The following NCOA6 variants were observed in gnomAD, a reference collection of about 807,000 sequenced individuals.
The protein encoded by NCOA6 is NRC RAP250.
NCOA6 carries 49 observed loss-of-function variants against 171.4 expected under a neutral mutation model. The ratio of observed to expected loss-of-function variants is 0.29; its 90% CI spans 0.23 to 0.36. The LOEUF is 0.36. NCOA6 is among the 10% of genes least tolerant of loss of function. The pLI, the probability that NCOA6 is intolerant of heterozygous loss-of-function variation, is 1.00. For synonymous variants in NCOA6, 910 were observed against 927.5 expected (o/e 0.98, Z 0.34); for missense variants, 2,248 against 2,554.5 (o/e 0.88, Z 2.59).
At chr20:34,824,803 C>T (rs2079102679) in intron 1 of NCOA6, among the ~76,000 whole-genome samples, 1 of 152,150 alleles carries the variant, frequency 6.6e-6, no homozygotes, top group Non-Finnish European at 1.5e-5. Context: ...AGTTATACAG[C>T]TTTGCAATTC....
At chr20:34,751,265 G>C (rs1410079865) in intron 8 of NCOA6, among the ~76,000 whole-genome samples, 1 of 148,692 alleles carries the variant, frequency 6.7e-6, no homozygotes, top group Non-Finnish European at 1.5e-5. Flanking sequence ...AGCTACTCGG[G>C]AGGCTGAGGC....
Position 34,746,935 on chromosome 20 carries a change from A to T in NCOA6, c.2793-7T>A. On this transcript the variant is annotated splice_region_variant and splice_polypyrimidine_tract_variant and intron_variant, in intron 9 of 14. Transcript: ENST00000359003. ...TGGGCGAGTATCTGGGGTGCTAAAA[A>T]AAAAAAAAAAAAAAAAAGTGACATA... 7.6e-7 allele frequency: 1 copy of T among 1,312,388 alleles called. No homozygotes were observed. The allele number at this position is 1,312,388 out of a possible 1,614,324, so 81.3% of individuals were successfully genotyped here. A position where few individuals can be genotyped will look rare whatever the true frequency, so the allele number is the denominator to read the frequency against.
chr20:34,769,790 TAAA>T (rs1160812926), intron 4 of NCOA6, among the ~76,000 whole-genome samples: 1 of 152,082 alleles, frequency 6.6e-6, no homozygotes, highest in African/African-American at 2.4e-5. Context: ...GGTCCAATGA[TAAA>T]AACGTCTCTG....
In NCOA6 at chr20:34,742,796, C is replaced by T. The variant is rs1442800791; in HGVS notation, c.3460G>A (p.Val1154Ile). The change falls in exon 11 of 15, where the codon GTA (valine) becomes ATA (isoleucine). Residue 1154 changes from valine to isoleucine, a missense_variant. Transcript: ENST00000359003. ...PGGPNNMPSH[V>I]VLPQNQLMMT... ...ATTAACTGATTCTGGGGAAGTACTA[C>T]ATGTGAAGGCATGTTGTTTGGGCCT... 8 of 1,614,174 alleles carry T rather than the reference C, an allele frequency of 5.0e-6. No homozygotes were observed. The highest frequency in any genetic ancestry group is 2.2e-5 in the East Asian group (1 of 44,874).
At chr20:34,737,584 C>G (rs2075995847) in intron 11 of NCOA6, among the ~76,000 whole-genome samples, 1 of 152,192 alleles carries the variant, frequency 6.6e-6, no homozygotes, top group South Asian at 2.1e-4. Context: ...TCAAAGGACA[C>G]AGAGAACTTA....
intron 5 of NCOA6, among the ~76,000 whole-genome samples, chr20:34,766,968 A>G (rs1347070396): frequency 6.6e-6 from 1 of 152,118 alleles, no homozygotes; most frequent in Non-Finnish European, 1.5e-5. Flanking sequence ...TTCTGTGGGG[A>G]ACTACATCTA....
chr20:34,803,480 A>AAAAAAAAC (rs1408510782), intron 1 of NCOA6, among the ~76,000 whole-genome samples: 1 of 151,974 alleles, frequency 6.6e-6, no homozygotes, highest in Non-Finnish European at 1.5e-5. Context: ...AAAAAAAGAA[A>AAAAAAAAC]AAAAAAACAA....
chr20:34,718,820 G>A (rs1988929978), intron 14 of NCOA6, among the ~76,000 whole-genome samples: 1 of 151,978 alleles, frequency 6.6e-6, no homozygotes, highest in East Asian at 1.9e-4. Flanking sequence ...ATTACTTTAA[G>A]GTAAGAAATT....
intron 1 of NCOA6, among the ~76,000 whole-genome samples, chr20:34,808,481 C>A (rs2078537905): frequency 7.1e-6 from 1 of 140,450 alleles, no homozygotes; most frequent in South Asian, 2.2e-4. Context: ...TCTTGTTGCT[C>A]AGGCTGGAGT....
chr20:34,759,475 G>A (rs1335287262), intron 5 of NCOA6, among the ~76,000 whole-genome samples: 3 of 152,090 alleles, frequency 2.0e-5, no homozygotes, highest in African/African-American at 7.2e-5. Context: ...TGCAATTGTG[G>A]TTAACAGTTC....
chr20:34,821,546 C>T (rs1260641101), intron 1 of NCOA6: 2 of 151,946 alleles, frequency 1.3e-5, no homozygotes, highest in East Asian at 1.9e-4. Context: ...AAAACCTTTT[C>T]GCCCTTATTA....
intron 5 of NCOA6, 122 bp from the exon 6 acceptor site, chr20:34,759,055 C>T (rs2076738937): frequency 1.9e-6 from 2 of 1,053,800 alleles, no homozygotes; most frequent in African/African-American, 1.6e-5. Context: ...CAGGGTCTCG[C>T]TCTGTTGCCC....
chr20:34,778,574 C>T (rs1173601650), intron 3 of NCOA6, among the ~76,000 whole-genome samples: 1 of 151,642 alleles, frequency 6.6e-6, no homozygotes. Flanking sequence ...ACTATAGACA[C>T]CTGCCACCAT....
At chr20:34,773,537 C>T (rs2077216063) in intron 4 of NCOA6, among the ~76,000 whole-genome samples, 1 of 101,770 alleles carries the variant, frequency 9.8e-6, no homozygotes, top group Non-Finnish European at 2.0e-5. Flanking sequence ...TCACCGCAAC[C>T]TCCACCCAGG....
chr20:34,730,710 G>A (rs1159343262), intron 13 of NCOA6, among the ~76,000 whole-genome samples: 1 of 110,314 alleles, frequency 9.1e-6, no homozygotes, highest in African/African-American at 3.4e-5. Flanking sequence ...CTATGTTCTA[G>A]ACTTTTTTTT....
rs544721753 is a variant in NCOA6 at position 34,742,679 on chromosome 20, G to T, written c.3577C>A (p.His1193Asn). 3.0e-5 allele frequency: 49 copies of T among 1,614,190 alleles called. 1 individual carries two copies. The South Asian group carries it at 5.2e-4, about 17-fold the overall frequency. Residue 1193 changes from histidine (H) to asparagine (N), a missense_variant, in exon 11 of 15, where the codon CAC becomes AAC. Physicochemically the swap from His to Asn is moderately conservative, Grantham distance 68. Transcript: ENST00000359003. The stretch of plus-strand genomic sequence containing the variant: ...GCCACATTTGGGAAGTGGTGGCCGT[G>T]AGAGCTGGGCAGGGAATTTACAGGG... ...QPPVNSLPSSHGHHFPNVAAP... is the reference protein window; with the variant it reads ...QPPVNSLPSSNGHHFPNVAAP...
At chr20:34,767,034 C>A (rs1387265057) in intron 5 of NCOA6, among the ~76,000 whole-genome samples, 2 of 152,130 alleles carry the variant, frequency 1.3e-5, no homozygotes, top group Admixed American at 6.5e-5. Context: ...TCCACAACAG[C>A]CCAACAGCAC....
chr20:34,806,190 C>T (rs189908451), intron 1 of NCOA6, among the ~76,000 whole-genome samples: 1 of 152,288 alleles, frequency 6.6e-6, no homozygotes, highest in South Asian at 2.1e-4. Context: ...TTTTCATATA[C>T]TTGCTGACAA....
intron 14 of NCOA6, among the ~76,000 whole-genome samples, chr20:34,726,526 T>C (rs1377494404): frequency 6.6e-6 from 1 of 152,094 alleles, no homozygotes; most frequent in Non-Finnish European, 1.5e-5. Flanking sequence ...TGGCTCAGCC[T>C]GTAATCCCAG....
Sources: gnomAD v4.1 joint callset for allele counts (sites outside exome capture counted in the v4.1 genomes callset) on GRCh38, gnomAD v4.1.1 for gene constraint, MANE v1.5 for transcripts, NCBI Gene and HGNC (gene_info 2026-07-23, HGNC 2026-07-21) for gene names.